The following MYO1E variants were observed in gnomAD, a reference collection of about 807,000 sequenced individuals.
MYO1E encodes myosin IE, also known as unconventional myosin-Ie.
MYO1E carries 68 observed loss-of-function variants against 151.1 expected under a neutral mutation model. That is an observed-to-expected ratio of 0.45 (90% CI 0.37 to 0.55). MYO1E has a LOEUF of 0.55. Ranked by LOEUF, MYO1E falls within the 20% of genes least tolerant of loss-of-function variation. The pLI, the probability that MYO1E is intolerant of heterozygous loss-of-function variation, is 0.00. For missense variants in MYO1E, 1,363 were observed against 1,389.3 expected (o/e 0.98, Z 0.30); for synonymous variants, 601 against 501.7 (o/e 1.20, Z -2.64).
In MYO1E at chr15:59,158,385, A is replaced by C; in HGVS notation, c.2786-6T>G. The C allele has an allele frequency of 6.4e-7, 1 of 1,551,826 alleles. No individual in the cohort carries two copies. Among genetic ancestry groups the C allele is most frequent in the Non-Finnish European group, 8.7e-7 (1 of 1,145,136 alleles). On this transcript the variant is annotated splice_region_variant and splice_polypyrimidine_tract_variant and intron_variant, in intron 24 of 27. Transcript: ENST00000288235. ...AGTGTTCCTTCTGGTAGGACCTGAA[A>C]TAAACAAGACAAAGTTAAAACCAGT...
intron 1 of MYO1E, among the ~76,000 whole-genome samples, chr15:59,280,291 GA>G (rs1391537879): frequency 3.3e-5 from 5 of 152,144 alleles, no homozygotes; most frequent in African/African-American, 1.2e-4. Flanking sequence ...TCAACTCTAA[GA>G]TGCATTCTTT....
At chr15:59,323,088 G>T (rs1466209011) in intron 1 of MYO1E, among the ~76,000 whole-genome samples, 1 of 141,418 alleles carries the variant, frequency 7.1e-6, no homozygotes, top group Non-Finnish European at 1.5e-5. Context: ...AGAATGGTGT[G>T]AACCCAGGAG....
intron 26 of MYO1E, among the ~76,000 whole-genome samples, chr15:59,150,220 A>G (rs141979183): frequency 1.6e-3 from 249 of 152,354 alleles, no homozygotes; most frequent in African/African-American, 5.7e-3. Flanking sequence ...CTTAATGCCT[A>G]GCAGACAGGT....
chr15:59,158,408 A>G (rs1369098006), intron 24 of MYO1E, 29 bp from the exon 25 acceptor site: 1 of 1,522,336 alleles, frequency 6.6e-7, no homozygotes, highest in East Asian at 2.4e-5. Context: ...AGTTAAAACC[A>G]GTGCTACTGG....
chr15:59,241,301 G>C (rs193023187), intron 4 of MYO1E, among the ~76,000 whole-genome samples: 1 of 152,242 alleles, frequency 6.6e-6, no homozygotes, highest in Non-Finnish European at 1.5e-5. Flanking sequence ...TGGAGAACCA[G>C]CCTTAGCAAA....
intron 1 of MYO1E, among the ~76,000 whole-genome samples, chr15:59,345,496 T>G (rs1052695442): frequency 6.6e-6 from 1 of 152,152 alleles, no homozygotes; most frequent in Non-Finnish European, 1.5e-5. Flanking sequence ...TTTTTAGAAA[T>G]AGGGGTCTTA....
intron 3 of MYO1E, among the ~76,000 whole-genome samples, chr15:59,256,878 AT>A (rs1160346522): frequency 6.6e-6 from 1 of 152,188 alleles, no homozygotes; most frequent in Non-Finnish European, 1.5e-5. Context: ...ATTAGGTGAG[AT>A]TATCTATGGA....
intron 1 of MYO1E, among the ~76,000 whole-genome samples, chr15:59,337,468 T>G (rs1203060546): frequency 1.3e-5 from 2 of 152,236 alleles, no homozygotes; most frequent in African/African-American, 4.8e-5. Flanking sequence ...CAATTTCGCA[T>G]TTGGCAGAAA....
intron 1 of MYO1E, among the ~76,000 whole-genome samples, chr15:59,277,563 A>ACAAAAAAAAAAC (rs1182145254): frequency 9.2e-5 from 12 of 130,034 alleles, no homozygotes; most frequent in African/African-American, 3.5e-4. Context: ...AAAAAAAAAA[A>ACAAAAAAAAAAC]AAAAAAAAAA....
At chr15:59,342,173 C>T (rs537076574) in intron 1 of MYO1E, among the ~76,000 whole-genome samples, 1 of 152,300 alleles carries the variant, frequency 6.6e-6, no homozygotes, top group African/African-American at 2.4e-5. Flanking sequence ...ATTTGTATGT[C>T]TTCTTTTGAG....
rs1172137765 is a variant in MYO1E, at chr15:59,284,577, G to C, written c.4-12128C>G. ...TAATCCTCCCTCCTCAGCTTCCCTA[G>C]TAGCCAGGGCTACAGGTGTGCACCA... On this transcript the variant is annotated intron_variant, in intron 1 of 27. Coordinates refer to ENST00000288235, the MANE Select transcript of MYO1E (RefSeq NM_004998.4). Among the ~76,000 whole-genome samples, 6 of 150,526 alleles carry C rather than the reference G, an allele frequency of 4.0e-5. No individual in the cohort carries two copies. The South Asian group carries it at 1.1e-3, about 26-fold the overall frequency.
At chr15:59,261,084 A>C (rs2080221858) in intron 3 of MYO1E, among the ~76,000 whole-genome samples, 1 of 152,022 alleles carries the variant, frequency 6.6e-6, no homozygotes, top group Admixed American at 6.6e-5. Context: ...GTGGTGGTGC[A>C]TGCCTGTAAT....
chr15:59,139,552 T>TC (rs1386800118), intron 26 of MYO1E, among the ~76,000 whole-genome samples: 1 of 147,712 alleles, frequency 6.8e-6, no homozygotes, highest in Non-Finnish European at 1.5e-5. Flanking sequence ...TCCTCAGACT[T>TC]CCGTCTCACC....
chr15:59,344,158 C>T (rs2080781058), intron 1 of MYO1E, among the ~76,000 whole-genome samples: 1 of 152,176 alleles, frequency 6.6e-6, no homozygotes, highest in South Asian at 2.1e-4. Flanking sequence ...CTTGGGAAGG[C>T]TTTCCAAGTA....
intron 1 of MYO1E, among the ~76,000 whole-genome samples, chr15:59,283,922 A>G (rs189250579): frequency 6.6e-6 from 1 of 152,304 alleles, no homozygotes; most frequent in Admixed American, 6.5e-5. Flanking sequence ...TCATCTGCCC[A>G]ATGACACCAC....
intron 1 of MYO1E, among the ~76,000 whole-genome samples, chr15:59,360,640 T>C (rs1346129712): frequency 1.3e-5 from 2 of 152,138 alleles, no homozygotes; most frequent in East Asian, 1.9e-4. Flanking sequence ...GTTTTTGCCC[T>C]TTTTTTCCCC....
intron 23 of MYO1E, 109 bp from the exon 24 acceptor site, chr15:59,161,339 G>A: frequency 8.0e-7 from 1 of 1,249,026 alleles, no homozygotes; most frequent in Admixed American, 2.2e-5. Context: ...CATGAGGCGA[G>A]AACGGACAAT....
intron 1 of MYO1E, among the ~76,000 whole-genome samples, chr15:59,318,959 A>G (rs574956323): frequency 1.3e-5 from 2 of 152,356 alleles, no homozygotes; most frequent in South Asian, 4.1e-4. Flanking sequence ...GAAGACTTGC[A>G]TGACTGGCTC....
chr15:59,321,446 A>G (rs2080625366), intron 1 of MYO1E, among the ~76,000 whole-genome samples: 1 of 152,244 alleles, frequency 6.6e-6, no homozygotes. Flanking sequence ...GCCCATCAAC[A>G]GTGAATTGGA....
Sources: gnomAD v4.1 joint callset for allele counts (sites outside exome capture counted in the v4.1 genomes callset) on GRCh38, gnomAD v4.1.1 for gene constraint, MANE v1.5 for transcripts, NCBI Gene and HGNC (gene_info 2026-07-23, HGNC 2026-07-21) for gene names.